The following PLXNB1 variants were observed in gnomAD, a reference collection of about 807,000 sequenced individuals.
PLXNB1 encodes plexin-B1.
PLXNB1 carries 106 observed loss-of-function variants against 209.4 expected under a neutral mutation model. The observed-to-expected ratio is 0.51, with a 90% CI of 0.43 to 0.59. PLXNB1 has a LOEUF of 0.59. Among genes scored for constraint, PLXNB1 ranks in the 20% least tolerant of loss-of-function variants. The probability of loss-of-function intolerance (pLI) is 0.00; values close to 1 mark genes in which losing one functional copy is unlikely to be tolerated. For missense variants in PLXNB1, 2,357 were observed against 2,853.2 expected (o/e 0.83, Z 3.96); for synonymous variants, 1,167 against 1,183.2 (o/e 0.99, Z 0.28).
At position 48,419,935 on chromosome 3, in the gene PLXNB1, G is replaced by A. The variant is rs761224080; in HGVS notation, c.2351C>T (p.Pro784Leu). Residue 784 changes from proline (P) to leucine (L), a missense_variant, in exon 11 of 38, where the codon CCT (proline) becomes CTT (leucine). By Grantham distance (98) the Pro-to-Leu change is moderately conservative (BLOSUM62 -3). Coordinates refer to ENST00000296440, the MANE Select transcript of PLXNB1 (RefSeq NM_001130082.3). This position sits in a 1 kb window ranked among gnomAD's most constrained non-coding sequence, Gnocchi z 5.7. ...CAGCGGGGAGGCCAAGAGGTCCTCAGGTGTGGCTGAGGGTCTGAAGTCAGT... is the reference window on the plus strand; with the variant it reads ...CAGCGGGGAGGCCAAGAGGTCCTCAAGTGTGGCTGAGGGTCTGAAGTCAGT... ...APTDFRPSATPEDLLASPLSP... is the reference protein window; with the variant it reads ...APTDFRPSATLEDLLASPLSP... 1.9e-6 allele frequency: 3 copies of A among 1,573,236 alleles called. No homozygotes were observed. Among genetic ancestry groups the A allele is most frequent in the Admixed American group, 1.7e-5 (1 of 57,328 alleles).
rs763504378 is a variant in PLXNB1, at chr3:48,416,414, C to A, written c.3412G>T (p.Ala1138Ser). 2 of 1,613,192 alleles carry A rather than the reference C, an allele frequency of 1.2e-6. No individual in the cohort carries two copies. The highest frequency in any genetic ancestry group is 1.7e-6 in the Non-Finnish European group (2 of 1,179,904). Reference protein sequence around the residue: ...CITGASGEEVAGATAVEVPGR... With the variant: ...CITGASGEEVSGATAVEVPGR... ...GGCACCTCCACCGCTGTGGCGCCGG[C>A]CACCTCCTCCCCACTGGCCCCGGTG... The change falls in exon 17 of 38, where the codon GCC becomes TCC. Residue 1138 changes from alanine to serine, a missense_variant. By Grantham distance (99) the Ala-to-Ser change is moderately conservative (BLOSUM62 1). Coordinates refer to ENST00000296440, the MANE Select transcript of PLXNB1 (RefSeq NM_001130082.3). This position sits in a 1 kb window ranked among gnomAD's most constrained non-coding sequence, Gnocchi z 4.1.
At position 48,406,941 on chromosome 3, in the gene PLXNB1, C is replaced by T; in HGVS notation, c.6153-43G>A. ...CACAGCAGCTGCTGGGTAAACAAGC[C>T]CACTCCCCTGCTCCCAACCAGAGCC... On this transcript the variant is annotated intron_variant, in intron 35 of 37. Transcript: ENST00000296440. The surrounding 1 kb of genome is among the most constrained non-coding windows in gnomAD (Gnocchi z 4.4). 2 of 1,608,716 alleles carry T rather than the reference C, an allele frequency of 1.2e-6. No individual in the cohort carries two copies. The highest frequency in any genetic ancestry group is 1.7e-6 in the Non-Finnish European group (2 of 1,175,588).
Position 48,414,830 on chromosome 3 carries a change from C to G in PLXNB1, c.4178G>C (p.Arg1393Pro). The stretch of plus-strand genomic sequence containing the variant: ...GGAGAACACACTCCCAGGCTTGTGC[C>G]GGAATGGCATGGTGGGGTCCTCAGG... Reference protein sequence around the residue: ...LNPEDPTMPFRHKPGSVFSVE... With the variant: ...LNPEDPTMPFPHKPGSVFSVE... The change falls in exon 21 of 38, where the codon CGG (arginine) becomes CCG (proline). Residue 1393 changes from arginine to proline, a missense_variant. Arg to Pro is a moderately radical substitution (Grantham distance 103). Coordinates refer to ENST00000296440, the MANE Select transcript of PLXNB1 (RefSeq NM_001130082.3). The G allele has an allele frequency of 2.5e-6, 4 of 1,614,032 alleles. No individual in the cohort carries two copies. The highest frequency in any genetic ancestry group is 3.4e-6 in the Non-Finnish European group (4 of 1,180,006).
intron 8 of PLXNB1, 120 bp from the exon 9 acceptor site, chr3:48,421,076 G>C: frequency 1.6e-6 from 2 of 1,255,482 alleles, no homozygotes; most frequent in South Asian, 2.6e-5. Context: ...CAGTCCAAGG[G>C]CACAGAATGG....
rs535477396 is a variant in PLXNB1 at position 48,420,780 on chromosome 3, A to G, written c.1920-7T>C. 3 of 1,613,760 alleles carry G rather than the reference A, an allele frequency of 1.9e-6. No individual in the cohort carries two copies. The African/African-American group carries it at 4.0e-5, about 22-fold the overall frequency. ...GCTCACACAGGCCTGGCACCTGCACAGAGCACAGCCATGGGGCAAGGGTCG... is the reference window on the plus strand; with the variant it reads ...GCTCACACAGGCCTGGCACCTGCACGGAGCACAGCCATGGGGCAAGGGTCG... On this transcript the variant is annotated splice_polypyrimidine_tract_variant and splice_region_variant and intron_variant, in intron 9 of 37. Coordinates refer to ENST00000296440, the MANE Select transcript of PLXNB1 (RefSeq NM_001130082.3).
chr3:48,416,342 G>A lies in PLXNB1; in HGVS notation c.3480+4C>T. The stretch of plus-strand genomic sequence containing the variant: ...CAGCTGGGGGTGGCTCAGCAGTCAG[G>A]TACCTGGTAGGCAAAGTCGTGTTCT... On this transcript the variant is annotated splice_donor_region_variant and intron_variant, in intron 17 of 37. Coordinates refer to ENST00000296440, the MANE Select transcript of PLXNB1 (RefSeq NM_001130082.3). This position sits in a 1 kb window ranked among gnomAD's most constrained non-coding sequence, Gnocchi z 4.1. 1 of 1,608,290 alleles carries A rather than the reference G, an allele frequency of 6.2e-7. No individual in the cohort carries two copies. The highest frequency in any genetic ancestry group is 8.5e-7 in the Non-Finnish European group (1 of 1,176,138).
At position 48,406,834 on chromosome 3, in the gene PLXNB1, C is replaced by G. The variant is rs146727163; in HGVS notation, c.6217G>C (p.Glu2073Gln). The change falls in exon 36 of 38, where the codon GAA becomes CAA. Residue 2073 changes from glutamate to glutamine, a missense_variant. By Grantham distance (29) the Glu-to-Gln change is conservative. Transcript: ENST00000296440. This position sits in a 1 kb window ranked among gnomAD's most constrained non-coding sequence, Gnocchi z 4.4. ...SDQEMNSVLAELSWNYSGDLG... is the reference protein window; with the variant it reads ...SDQEMNSVLAQLSWNYSGDLG... ...GAGGGAGGCCTTACCCAGGACAGTT[C>G]AGCCAGGACAGAGTTCATCTCTTGG... 7.5e-6 allele frequency: 12 copies of G among 1,610,258 alleles called. No individual in the cohort carries two copies. The highest frequency in any genetic ancestry group is 8.5e-6 in the Non-Finnish European group (10 of 1,178,176).
At position 48,418,464 on chromosome 3, in the gene PLXNB1, C is replaced by T. The variant is rs371623968; in HGVS notation, c.3034G>A (p.Ala1012Thr). ...GGTGGCTCACCATGCAGCCCCTCAGCACTGTCCACACGCAGACGGCCGGCC... is the reference window on the plus strand; with the variant it reads ...GGTGGCTCACCATGCAGCCCCTCAGTACTGTCCACACGCAGACGGCCGGCC... ...RRAGRLRVDSAEGLHVVLYDC... is the reference protein window; with the variant it reads ...RRAGRLRVDSTEGLHVVLYDC... Residue 1012 changes from alanine (A) to threonine (T), a missense_variant, in exon 14 of 38, where the codon GCT (alanine) becomes ACT (threonine). Ala to Thr is a moderately conservative substitution (Grantham distance 58, BLOSUM62 0). Coordinates refer to ENST00000296440, the MANE Select transcript of PLXNB1 (RefSeq NM_001130082.3). The surrounding 1 kb of genome is among the most constrained non-coding windows in gnomAD (Gnocchi z 6.6). 278 of 1,613,112 alleles carry T rather than the reference C, an allele frequency of 1.7e-4. No individual in the cohort carries two copies. Among genetic ancestry groups the T allele is most frequent in the Non-Finnish European group, 2.2e-4 (264 of 1,179,826 alleles).
At position 48,404,388 on chromosome 3, in the gene PLXNB1, TCAGTCACTA is replaced by T. The variant is rs2037185112; in HGVS notation, c.*89_*97del. 6 of 704,712 alleles carry T rather than the reference TCAGTCACTA, an allele frequency of 8.5e-6. No individual in the cohort carries two copies. The highest frequency in any genetic ancestry group is 1.4e-5 in the Non-Finnish European group (6 of 417,826). 43.7% of individuals were successfully genotyped at this position (704,712 alleles called of 1,614,324 possible). A position where few individuals can be genotyped will look rare whatever the true frequency, so the allele number is the denominator to read the frequency against. On this transcript the variant is annotated 3_prime_UTR_variant, in exon 38 of 38. Transcript: ENST00000296440. ...AGTCACCTTCCACTAACTCTGCTTG[TCAGTCACTA>T]CAGGCACCTAAGAAGGTGGCCTCTC...
Position 48,416,176 on chromosome 3 carries a change from C to A in PLXNB1, c.3481-9G>T. On this transcript the variant is annotated splice_polypyrimidine_tract_variant and intron_variant, in intron 17 of 37. Coordinates refer to ENST00000296440, the MANE Select transcript of PLXNB1 (RefSeq NM_001130082.3). The surrounding 1 kb of genome is among the most constrained non-coding windows in gnomAD (Gnocchi z 4.1). ...GAATGGACCTTCGGATCCTGTGGGACAGACAGGGAGAGAGATGAGCATCAG... is the reference window on the plus strand; with the variant it reads ...GAATGGACCTTCGGATCCTGTGGGAAAGACAGGGAGAGAGATGAGCATCAG... The A allele has an allele frequency of 6.3e-7, 1 of 1,598,406 alleles. No homozygotes were observed. The highest frequency in any genetic ancestry group is 8.5e-7 in the Non-Finnish European group (1 of 1,172,720).
Position 48,409,458 on chromosome 3 carries a change from C to G in PLXNB1, c.5958G>C (p.Trp1986Cys). The G allele has an allele frequency of 6.2e-7, 1 of 1,614,122 alleles. No individual in the cohort carries two copies. Among genetic ancestry groups the G allele is most frequent in the South Asian group, 1.1e-5 (1 of 91,090 alleles). The change falls in exon 34 of 38, where the codon TGG becomes TGC. Residue 1986 changes from tryptophan (W) to cysteine (C), a missense_variant. Physicochemically the swap from Trp to Cys is radical, Grantham distance 215 (BLOSUM62 -2). Around this residue, in one of 7 missense-constraint regions of PLXNB1, gnomAD observed 414 missense variants for 520.5 expected, o/e 0.80. Transcript: ENST00000296440. This position sits in a 1 kb window ranked among gnomAD's most constrained non-coding sequence, Gnocchi z 5.8. ...WKTNSLPLRF[W>C]INIIKNPQFV... ...ACTGCGGGTTTTTTATTATATTGATCCAGAACCTCAGAGGCAAGCTGCGGG... is the reference window on the plus strand; with the variant it reads ...ACTGCGGGTTTTTTATTATATTGATGCAGAACCTCAGAGGCAAGCTGCGGG...
intron 34 of PLXNB1, among the ~76,000 whole-genome samples, chr3:48,408,870 C>T (rs1028997369): frequency 2.6e-5 from 4 of 152,188 alleles, no homozygotes; most frequent in African/African-American, 4.8e-5. Context: ...CCCTCCCACC[C>T]GGCTTGAACC....
In PLXNB1 at chr3:48,429,748, C is replaced by T. The variant is rs2039097367; in HGVS notation, c.-60+260G>A. On this transcript the variant is annotated intron_variant, in intron 1 of 37. Coordinates refer to ENST00000296440, the MANE Select transcript of PLXNB1 (RefSeq NM_001130082.3). This position sits in a 1 kb window ranked among gnomAD's most constrained non-coding sequence, Gnocchi z 6.4. ...GCCAGAGCCGCCCCGCCCCGTCGGC[C>T]TCACCTGCTCGCCTCCTTGGAACCG... Among the ~76,000 whole-genome samples, 2 of 152,128 alleles carry T rather than the reference C, an allele frequency of 1.3e-5. No individual in the cohort carries two copies. Among genetic ancestry groups the T allele is most frequent in the African/African-American group, 4.8e-5 (2 of 41,440 alleles).
chr3:48,417,258 C>A lies in PLXNB1; in HGVS notation c.3374+653G>T, dbSNP rs898185836. On this transcript the variant is annotated intron_variant, in intron 16 of 37. Coordinates refer to ENST00000296440, the MANE Select transcript of PLXNB1 (RefSeq NM_001130082.3). This position sits in a 1 kb window ranked among gnomAD's most constrained non-coding sequence, Gnocchi z 4.4. The stretch of plus-strand genomic sequence containing the variant: ...GGGCCCCACCGTGGGCCTCCTGAAT[C>A]CAGATGTTTGTGTTGGTTTGGGACA... Among the ~76,000 whole-genome samples the A allele has an allele frequency of 6.6e-6, 1 of 152,206 alleles. No individual in the cohort carries two copies. The highest frequency in any genetic ancestry group is 1.5e-5 in the Non-Finnish European group (1 of 68,034).
In PLXNB1 at chr3:48,415,455, G is replaced by A. The variant is rs752008855; in HGVS notation, c.3795-108C>T. The A allele has an allele frequency of 2.1e-4, 290 of 1,400,624 alleles. No individual in the cohort carries two copies. The highest frequency in any genetic ancestry group is 1.3e-3 in the Middle Eastern group (7 of 5,586). The allele number at this position is 1,400,624 out of a possible 1,614,324, so 86.8% of individuals were successfully genotyped here. ...GCTCAGCCCCAGCCCCAAACCACAC[G>A]ACCCCTTGCCCCTACTAGCAGCATG... On this transcript the variant is annotated intron_variant, in intron 19 of 37. Transcript: ENST00000296440. The surrounding 1 kb of genome is among the most constrained non-coding windows in gnomAD (Gnocchi z 5.0).
chr3:48,422,008 A>G (rs2038561463), intron 6 of PLXNB1, 97 bp downstream of exon 6: 1 of 1,310,810 alleles, frequency 7.6e-7, no homozygotes, highest in African/African-American at 1.5e-5. Flanking sequence ...TCAGGGGTTG[A>G]GAGTCATGGT....
rs1270783592 is a variant in PLXNB1 at position 48,429,783 on chromosome 3, A to T, written c.-60+225T>A. 6.6e-6 allele frequency among the ~76,000 whole-genome samples: 1 copy of T among 151,812 alleles called. No individual in the cohort carries two copies. The highest frequency in any genetic ancestry group is 1.5e-5 in the Non-Finnish European group (1 of 67,892). The stretch of plus-strand genomic sequence containing the variant: ...CGCCTCCTTGGAACCGGAACTGGGA[A>T]CTTTCCTGGTTGCCAGGAGCCGAGG... On this transcript the variant is annotated intron_variant, in intron 1 of 37. Transcript: ENST00000296440. This position sits in a 1 kb window ranked among gnomAD's most constrained non-coding sequence, Gnocchi z 6.4.
rs1680390451 is a variant in PLXNB1, at chr3:48,407,053, A to T, written c.6126T>A (p.Ile2042=). Residue 2042 remains isoleucine, a synonymous_variant, in exon 35 of 38, where the codon ATT becomes ATA. Transcript: ENST00000296440. The part of the protein sequence containing the change: ...PINKLLYARD[I]PRYKRMVERY... Reference sequence around the variant, plus strand: ...TTTCCACCATCCGCTTGTACCGGGGAATGTCCCGTGCATACAGAAGTTTGT... The same window carrying T: ...TTTCCACCATCCGCTTGTACCGGGGTATGTCCCGTGCATACAGAAGTTTGT... 1 of 1,613,916 alleles carries T rather than the reference A, an allele frequency of 6.2e-7. No individual in the cohort carries two copies. Among genetic ancestry groups the T allele is most frequent in the South Asian group, 1.1e-5 (1 of 91,078 alleles).
At chr3:48,412,182 G>T in intron 27 of PLXNB1, 56 bp downstream of exon 27, 1 of 1,579,108 alleles carries the variant, frequency 6.3e-7, no homozygotes, top group Non-Finnish European at 8.7e-7. Context: ...GGGCTTAGAA[G>T]TTTGGAGGGC....
Sources: allele counts gnomAD v4.1 joint callset (sites outside exome capture counted in the v4.1 genomes callset), GRCh38; gene constraint gnomAD v4.1.1; regional missense constraint gnomAD v4.1.1; non-coding constraint Gnocchi (gnomAD v3.1); transcripts MANE v1.5; gene names NCBI Gene and HGNC (gene_info 2026-07-23, HGNC 2026-07-21).